The following EPHB1 variants were observed in gnomAD, a reference collection of about 807,000 sequenced individuals.
EPHB1 encodes the protein EPH receptor B1, also known as ephrin type-B receptor 1.
EPHB1 carries 30 observed loss-of-function variants against 94.4 expected under a neutral mutation model. That is an observed-to-expected ratio of 0.32 (90% confidence interval 0.24 to 0.43). The LOEUF is 0.43. EPHB1 is among the 20% of genes least tolerant of loss of function. The pLI is 1.00. For synonymous variants in EPHB1, 522 were observed against 489.1 expected, an observed-to-expected ratio of 1.07 and a Z score of -0.89; for missense variants, 1,055 against 1,308.3, an observed-to-expected ratio of 0.81 and a Z score of 2.99.
intron 15 of EPHB1, among the ~76,000 whole-genome samples, chr3:135,250,549 A>C (rs1933032428): frequency 6.6e-6 from 1 of 152,086 alleles, no homozygotes; most frequent in Admixed American, 6.5e-5. Flanking sequence ...TTGTGGTAAG[A>C]TCTGAGCATA....
chr3:134,905,787 G>A (rs978546857), intron 1 of EPHB1, among the ~76,000 whole-genome samples: 2 of 152,282 alleles, frequency 1.3e-5, no homozygotes, highest in African/African-American at 2.4e-5. Flanking sequence ...CCTCTAAGCT[G>A]TGAAAGCCAG....
chr3:134,898,388 C>T (rs1211409332), intron 1 of EPHB1, among the ~76,000 whole-genome samples: 1 of 152,130 alleles, frequency 6.6e-6, no homozygotes, highest in Admixed American at 6.5e-5. Context: ...AGCCCAGTCT[C>T]CACTGACTCC....
chr3:135,111,827 T>C (rs1045630032), intron 4 of EPHB1, among the ~76,000 whole-genome samples: 13 of 152,024 alleles, frequency 8.6e-5, no homozygotes, highest in African/African-American at 2.9e-4. Context: ...TTACAGGTGC[T>C]CGCCACCAGA....
rs759113272 is a variant in EPHB1, at chr3:135,162,136, A to G, written c.1541A>G (p.Tyr514Cys). ...VQVRARTVAG[Y>C]GKFSGKMCFQ... ...GTGCGTGCCCGCACTGTTGCTGGCT[A>G]CGGCAAGTTCAGTGGCAAGATGTGC... Residue 514 changes from tyrosine to cysteine, a missense_variant, in exon 7 of 16, where the codon TAC (tyrosine) becomes TGC (cysteine). Tyr to Cys is a radical substitution (Grantham distance 194). Transcript: ENST00000398015. The G allele has an allele frequency of 1.1e-5, 18 of 1,611,542 alleles. No individual in the cohort carries two copies. Among genetic ancestry groups the G allele is most frequent in the Non-Finnish European group, 1.5e-5 (18 of 1,178,598 alleles).
At chr3:135,093,467 C>T (rs535442579) in intron 3 of EPHB1, among the ~76,000 whole-genome samples, 18 of 152,264 alleles carry the variant, frequency 1.2e-4, no homozygotes, top group East Asian at 3.9e-4. Flanking sequence ...CCTGTAATCC[C>T]GGCATTTTTG....
intron 15 of EPHB1, among the ~76,000 whole-genome samples, chr3:135,255,703 G>T (rs1375112160): frequency 2.6e-5 from 4 of 151,308 alleles, no homozygotes; most frequent in Non-Finnish European, 5.9e-5. Flanking sequence ...TGTTGACTTG[G>T]GGTGGAGAGT....
At position 135,248,370 on chromosome 3, in the gene EPHB1, G is replaced by A. The variant is rs761573619; in HGVS notation, c.2551G>A (p.Ala851Thr). 6.2e-7 allele frequency: 1 copy of A among 1,612,296 alleles called. No individual in the cohort carries two copies. Among genetic ancestry groups the A allele is most frequent in the African/African-American group, 1.3e-5 (1 of 74,826 alleles). ...YRLPPPMDCP[A>T]ALHQLMLDCW... is the part of the protein sequence containing the mutation. Reference sequence around the variant, plus strand: ...GCTGCCCCCACCCATGGACTGTCCAGCTGCTCTACACCAGCTCATGCTGGA... The same window carrying A: ...GCTGCCCCCACCCATGGACTGTCCAACTGCTCTACACCAGCTCATGCTGGA... Residue 851 changes from alanine (A) to threonine (T), a missense_variant, in exon 14 of 16, where the codon GCT (alanine) becomes ACT (threonine). By Grantham distance (58) the Ala-to-Thr change is moderately conservative (BLOSUM62 0). Coordinates refer to ENST00000398015, the MANE Select transcript of EPHB1 (RefSeq NM_004441.5).
At chr3:135,032,278 AT>A (rs71157317) in intron 3 of EPHB1, among the ~76,000 whole-genome samples, 36,966 of 139,126 alleles carry the variant, frequency 0.27, 5,945 homozygotes, top group East Asian at 0.71. Context: ...TCTATCTCTG[AT>A]TTTTTTTTTC....
intron 5 of EPHB1, among the ~76,000 whole-genome samples, chr3:135,150,094 A>G (rs1302583568): frequency 2.6e-5 from 4 of 152,200 alleles, no homozygotes; most frequent in Admixed American, 2.0e-4. Flanking sequence ...TGAGTTTTTA[A>G]TGATGGCTTT....
intron 3 of EPHB1, among the ~76,000 whole-genome samples, chr3:135,092,917 A>G (rs1938611237): frequency 6.6e-6 from 1 of 152,174 alleles, no homozygotes; most frequent in African/African-American, 2.4e-5. Flanking sequence ...GGGAGCCACC[A>G]AACCTGGCCT....
chr3:135,191,884 A>G (rs1356056110), intron 10 of EPHB1, among the ~76,000 whole-genome samples: 2 of 152,228 alleles, frequency 1.3e-5, no homozygotes, highest in African/African-American at 4.8e-5. Context: ...GCCCCCAGCC[A>G]ATGACTGAGC....
intron 10 of EPHB1, among the ~76,000 whole-genome samples, chr3:135,186,880 A>T (rs1942343870): frequency 6.6e-6 from 1 of 152,186 alleles, no homozygotes; most frequent in Non-Finnish European, 1.5e-5. Flanking sequence ...AATTACCCTC[A>T]GCTGACAGCC....
At chr3:134,941,612 G>C (rs1033419938) in intron 2 of EPHB1, among the ~76,000 whole-genome samples, 1 of 152,184 alleles carries the variant, frequency 6.6e-6, no homozygotes, top group Non-Finnish European at 1.5e-5. Context: ...GGGGCATAAA[G>C]AATGTGTCAG....
At chr3:135,215,096 C>T (rs1943116071) in intron 12 of EPHB1, among the ~76,000 whole-genome samples, 1 of 152,126 alleles carries the variant, frequency 6.6e-6, no homozygotes, top group African/African-American at 2.4e-5. Flanking sequence ...ACCATAAGTG[C>T]TTCCCCATCT....
intron 15 of EPHB1, among the ~76,000 whole-genome samples, chr3:135,252,818 T>C (rs1479530748): frequency 1.4e-5 from 2 of 142,840 alleles, no homozygotes; most frequent in Non-Finnish European, 3.1e-5. Flanking sequence ...TTGAACTAGT[T>C]TACAGTCCCA....
chr3:134,944,900 C>A (rs114534541), intron 2 of EPHB1, among the ~76,000 whole-genome samples: 2,978 of 152,302 alleles, frequency 0.02, 107 homozygotes, highest in African/African-American at 0.068. Flanking sequence ...TGTCAGAATT[C>A]TTATCTCCTA....
chr3:135,189,227 C>T (rs1942401247), intron 10 of EPHB1, among the ~76,000 whole-genome samples: 1 of 152,170 alleles, frequency 6.6e-6, no homozygotes, highest in African/African-American at 2.4e-5. Context: ...AGGACCTGTG[C>T]TGTATGAGGC....
chr3:135,248,221 C>T, intron 13 of EPHB1, 95 bp from the exon 14 acceptor site: 1 of 1,224,012 alleles, frequency 8.2e-7, no homozygotes, highest in Non-Finnish European at 1.1e-6. Flanking sequence ...CTGAGACAGC[C>T]TGGATCAGGG....
chr3:134,914,844 C>T (rs544453809), intron 1 of EPHB1, among the ~76,000 whole-genome samples: 14 of 152,248 alleles, frequency 9.2e-5, no homozygotes, highest in African/African-American at 2.9e-4. Flanking sequence ...TAGGCAAGGG[C>T]TGCAGCTATA....
Sources: allele counts gnomAD v4.1 joint callset (sites outside exome capture counted in the v4.1 genomes callset), GRCh38; gene constraint gnomAD v4.1.1; transcripts MANE v1.5; gene names NCBI Gene and HGNC (gene_info 2026-07-23, HGNC 2026-07-21).